The following ZBTB40 variants were observed in gnomAD, a reference collection of about 807,000 sequenced individuals.
ZBTB40 encodes the protein zinc finger and BTB domain-containing protein 40.
In ZBTB40, 60 loss-of-function variants were observed where a neutral mutation model predicts 117.5. The observed-to-expected ratio is 0.51, with a 90% CI of 0.41 to 0.63. The LOEUF is 0.63. ZBTB40 is among the 30% of genes least tolerant of loss of function. The pLI, the probability that ZBTB40 is intolerant of heterozygous loss-of-function variation, is 0.00. For missense variants in ZBTB40, 1,287 were observed against 1,498.5 expected (o/e 0.86, Z 2.33); for synonymous variants, 525 against 577.1 (o/e 0.91, Z 1.29).
At position 22,517,421 on chromosome 1, in the gene ZBTB40, C is replaced by T. The variant is rs753993497; in HGVS notation, c.2790C>T (p.Phe930=). Residue 930 remains phenylalanine (F), a synonymous_variant, in exon 13 of 18, where the codon TTC becomes TTT. Coordinates refer to ENST00000375647, the MANE Select transcript of ZBTB40 (RefSeq NM_014870.4). ...PYVCRDCGKG[F]RQANGLSIHL... ...TCTGCAGAGACTGTGGCAAGGGCTT[C>T]CGGCAAGCCAATGGCCTCTCCATCC... The T allele has an allele frequency of 6.2e-7, 1 of 1,614,146 alleles. No individual in the cohort carries two copies. Among genetic ancestry groups the T allele is most frequent in the Admixed American group, 1.7e-5 (1 of 60,032 alleles).
At chr1:22,444,863 T>C (rs879778865) in intron 1 of ZBTB40, among the ~76,000 whole-genome samples, 13 of 152,218 alleles carry the variant, frequency 8.5e-5, no homozygotes, top group Admixed American at 8.5e-4. Context: ...CTTTACTTCC[T>C]TTCCTTCCTG....
chr1:22,462,991 C>T (rs887670914), intron 1 of ZBTB40, among the ~76,000 whole-genome samples: 14 of 142,802 alleles, frequency 9.8e-5, no homozygotes, highest in Admixed American at 2.8e-4. Context: ...GGTAGTAACA[C>T]CTAACATTTA....
intron 3 of ZBTB40, among the ~76,000 whole-genome samples, chr1:22,494,531 C>A (rs989198382): frequency 1.3e-5 from 2 of 152,134 alleles, no homozygotes; most frequent in South Asian, 2.1e-4. Context: ...ACAGGCTCCC[C>A]CATGGGTTGC....
intron 12 of ZBTB40, among the ~76,000 whole-genome samples, chr1:22,516,684 G>A (rs1639381983): frequency 1.3e-5 from 2 of 152,164 alleles, no homozygotes; most frequent in Admixed American, 6.5e-5. Flanking sequence ...TTGCTCTCTC[G>A]GCCCATAAGG....
At chr1:22,477,920 T>G (rs1641590179) in intron 1 of ZBTB40, among the ~76,000 whole-genome samples, 1 of 152,226 alleles carries the variant, frequency 6.6e-6, no homozygotes, top group African/African-American at 2.4e-5. Context: ...ACTACTGGAT[T>G]AATCACATTT....
chr1:22,508,243 C>CAATTCTCAACATGGCTA, intron 7 of ZBTB40, 106 bp downstream of exon 7: 1 of 1,361,028 alleles, frequency 7.3e-7, no homozygotes. Flanking sequence ...ACATATGTAG[C>CAATTCTCAACATGGCTA]CATGTTGAGA....
chr1:22,432,125 A>G (rs953874909), intron 1 of ZBTB40, among the ~76,000 whole-genome samples: 1 of 152,112 alleles, frequency 6.6e-6, no homozygotes, highest in African/African-American at 2.4e-5. Flanking sequence ...GCTAGACTTT[A>G]TGTGGAGGGT....
rs184407894 is a variant in ZBTB40, at chr1:22,490,768, C to T, written c.697+123C>T. Reference sequence around the variant, plus strand: ...AGAAAACCAAAATTCAGTGCAGTACCGTACTGGGCCATTCTTTTAAAAGTG... The same window carrying T: ...AGAAAACCAAAATTCAGTGCAGTACTGTACTGGGCCATTCTTTTAAAAGTG... On this transcript the variant is annotated intron_variant, in intron 2 of 17. Transcript: ENST00000375647. 2.0e-4 allele frequency: 207 copies of T among 1,032,194 alleles called. 1 individual carries two copies. In the African/African-American group the frequency reaches 2.8e-3, roughly 14 times the overall value. 63.9% of individuals were successfully genotyped at this position (1,032,194 alleles called of 1,614,324 possible). A position where few individuals can be genotyped will look rare whatever the true frequency, so the allele number is the denominator to read the frequency against.
At chr1:22,472,604 T>A (rs1445229934) in intron 1 of ZBTB40, among the ~76,000 whole-genome samples, 1 of 152,200 alleles carries the variant, frequency 6.6e-6, no homozygotes, top group Non-Finnish European at 1.5e-5. Context: ...AGTAGAGGTG[T>A]TTGATTCTGT....
intron 12 of ZBTB40, among the ~76,000 whole-genome samples, chr1:22,517,099 C>A (rs1186353713): frequency 2.6e-5 from 4 of 152,168 alleles, no homozygotes. Flanking sequence ...ACACTCGCAC[C>A]TTCCGTGTGA....
intron 3 of ZBTB40, among the ~76,000 whole-genome samples, chr1:22,496,644 G>A (rs368272021): frequency 8.5e-5 from 13 of 152,294 alleles, no homozygotes; most frequent in African/African-American, 3.1e-4. Context: ...AGGAGAGATA[G>A]CTCTGGCCAT....
Position 22,502,354 on chromosome 1 carries a change from C to G in ZBTB40, c.1080C>G (p.Asp360Glu). The change falls in exon 5 of 18, where the codon GAC becomes GAG. Residue 360 changes from aspartate to glutamate, a missense_variant. By Grantham distance (45) the Asp-to-Glu change is conservative (BLOSUM62 2). Around this residue, in one of 2 missense-constraint regions of ZBTB40, gnomAD observed 870 missense variants for 934.4 expected, o/e 0.93. Coordinates refer to ENST00000375647, the MANE Select transcript of ZBTB40 (RefSeq NM_014870.4). ...TTCTGTTACTAGAACACAAAGAGGA[C>G]CTGATACAGTGTGTAACACAGCTGA... is the stretch of plus-strand genomic sequence containing the variant. The part of the protein sequence containing the change: ...LSVLLLEHKE[D>E]LIQCVTQLRP... The G allele has an allele frequency of 1.2e-6, 2 of 1,613,992 alleles. No individual in the cohort carries two copies. The highest frequency in any genetic ancestry group is 1.7e-6 in the Non-Finnish European group (2 of 1,179,960).
At chr1:22,498,793 A>T (rs1301043260) in intron 3 of ZBTB40, among the ~76,000 whole-genome samples, 2 of 151,720 alleles carry the variant, frequency 1.3e-5, no homozygotes, top group Non-Finnish European at 2.9e-5. Context: ...GGTGGAAAAA[A>T]AAAAAAGCCT....
chr1:22,482,758 T>C (rs967259379), intron 1 of ZBTB40, among the ~76,000 whole-genome samples: 2 of 152,220 alleles, frequency 1.3e-5, no homozygotes, highest in African/African-American at 4.8e-5. Context: ...CATTTTCAGA[T>C]TGACTTCTTT....
intron 1 of ZBTB40, among the ~76,000 whole-genome samples, chr1:22,469,619 C>T (rs980426452): frequency 2.0e-5 from 3 of 151,850 alleles, no homozygotes; most frequent in Admixed American, 6.6e-5. Context: ...TGCAGTGGTG[C>T]GATCTTGGGT....
chr1:22,468,643 C>CTTTTTTTTTTTTTT (rs71020424), intron 1 of ZBTB40, among the ~76,000 whole-genome samples: 2 of 28,610 alleles, frequency 7.0e-5, no homozygotes, highest in Non-Finnish European at 1.2e-4. Context: ...GCCTGGCTGG[C>CTTTTTTTTTTTTTT]TTTTTTTTTT....
chr1:22,429,154 T>A (rs1277156388), intron 1 of ZBTB40, among the ~76,000 whole-genome samples: 1 of 151,626 alleles, frequency 6.6e-6, no homozygotes, highest in African/African-American at 2.4e-5. Context: ...GGGCCGAGGC[T>A]GGCGGATCAC....
chr1:22,518,624 C>T (rs932255873), intron 13 of ZBTB40, among the ~76,000 whole-genome samples: 2 of 152,176 alleles, frequency 1.3e-5, no homozygotes, highest in Admixed American at 6.5e-5. Flanking sequence ...GTAAACACAT[C>T]CAAGTCTGTC....
intron 17 of ZBTB40, among the ~76,000 whole-genome samples, chr1:22,525,779 C>T (rs895787662): frequency 1.2e-4 from 19 of 152,228 alleles, no homozygotes; most frequent in Non-Finnish European, 1.6e-4. Context: ...GAGGCTGCCC[C>T]GGGCCCACCT....
Sources: gnomAD v4.1 joint callset for allele counts (sites outside exome capture counted in the v4.1 genomes callset) on GRCh38, gnomAD v4.1.1 for gene constraint, gnomAD v4.1.1 regional missense constraint, MANE v1.5 for transcripts, NCBI Gene and HGNC (gene_info 2026-07-23, HGNC 2026-07-21) for gene names.